The following GRIN3A variants were observed in gnomAD, a reference collection of about 807,000 sequenced individuals.
The protein encoded by GRIN3A is glutamate receptor ionotropic, NMDA 3A.
GRIN3A carries 47 observed loss-of-function variants against 92.4 expected under a neutral mutation model. That is an observed-to-expected ratio of 0.51 (90% CI 0.40 to 0.65). The LOEUF is 0.65. Ranked by LOEUF, GRIN3A falls within the 30% of genes least tolerant of loss-of-function variation. The pLI is 0.00. For synonymous variants in GRIN3A, 527 were observed against 540.6 expected (o/e 0.97, Z 0.35); for missense variants, 1,324 against 1,393.1 (o/e 0.95, Z 0.79).
chr9:101,594,661 G>A (rs1170154022), intron 6 of GRIN3A: 5 of 1,614,162 alleles, frequency 3.1e-6, no homozygotes, highest in East Asian at 2.2e-5. Context: ...TCTGCTCCTC[G>A]TCGCCCTTGA....
intron 5 of GRIN3A, among the ~76,000 whole-genome samples, chr9:101,618,873 C>T (rs1426595204): frequency 6.6e-6 from 1 of 152,132 alleles, no homozygotes; most frequent in Non-Finnish European, 1.5e-5. Context: ...GAGTTGCTTT[C>T]ATTATTACTA....
intron 1 of GRIN3A, among the ~76,000 whole-genome samples, chr9:101,729,413 G>A (rs1180647480): frequency 6.6e-6 from 1 of 152,126 alleles, no homozygotes; most frequent in African/African-American, 2.4e-5. Context: ...TTGCCTTTGA[G>A]TTTCTAGTGA....
At position 101,736,820 on chromosome 9, in the gene GRIN3A, A is replaced by G. The variant is rs534156488; in HGVS notation, c.699+461T>C. ...CTTCTGAAGAAGTCAGAGAGAGCAG[A>G]TGCTGCTTTTCCGACACATGCTGTC... On this transcript the variant is annotated intron_variant, in intron 1 of 8. Transcript: ENST00000361820. Among the ~76,000 whole-genome samples the G allele has an allele frequency of 3.9e-5, 6 of 152,260 alleles. No individual in the cohort carries two copies. In the East Asian group the frequency reaches 1.2e-3, roughly 29 times the overall value.
chr9:101,737,961 A>G lies in GRIN3A; in HGVS notation c.19T>C (p.Trp7Arg). 1 of 1,537,064 alleles carries G rather than the reference A, an allele frequency of 6.5e-7. No homozygotes were observed. Among genetic ancestry groups the G allele is most frequent in the Non-Finnish European group, 8.7e-7 (1 of 1,148,138 alleles). ...AGACAGACCCTGCTCAGCAGCCACC[A>G]CAAACTCAGTCTCCTCATTACTGAG... The part of the protein sequence containing the change: MRRLSL[W>R]WLLSRVCLLL... Residue 7 changes from tryptophan to arginine, a missense_variant, in exon 1 of 9, where the codon TGG becomes CGG. Coordinates refer to ENST00000361820, the MANE Select transcript of GRIN3A (RefSeq NM_133445.3).
At chr9:101,655,191 A>G (rs1317403382) in intron 3 of GRIN3A, among the ~76,000 whole-genome samples, 3 of 151,856 alleles carry the variant, frequency 2.0e-5, no homozygotes, top group Non-Finnish European at 4.4e-5. Flanking sequence ...CCACTCAAAG[A>G]TTTCATGTAG....
At chr9:101,707,931 CTTTGGCGAGGCTTTCCTT>C (rs1248997028) in intron 1 of GRIN3A, among the ~76,000 whole-genome samples, 1 of 152,080 alleles carries the variant, frequency 6.6e-6, no homozygotes, top group Non-Finnish European at 1.5e-5. Flanking sequence ...CTTGATAGTT[CTTTGGCGAGGCTTTCCTT>C]TTAATGTTGA....
intron 3 of GRIN3A, among the ~76,000 whole-genome samples, chr9:101,649,599 A>G (rs1481795455): frequency 6.6e-6 from 1 of 152,026 alleles, no homozygotes; most frequent in African/African-American, 2.4e-5. Flanking sequence ...AGAGTGGTGT[A>G]GTCTGAAATA....
At chr9:101,675,527 T>C (rs889479835) in intron 2 of GRIN3A, among the ~76,000 whole-genome samples, 1 of 152,026 alleles carries the variant, frequency 6.6e-6, no homozygotes, top group African/African-American at 2.4e-5. Context: ...TGCCAGGCAC[T>C]GTCCTAGGTG....
intron 2 of GRIN3A, among the ~76,000 whole-genome samples, chr9:101,685,976 G>T (rs1322594677): frequency 6.6e-6 from 1 of 152,000 alleles, no homozygotes; most frequent in East Asian, 1.9e-4. Flanking sequence ...AGTAGTAAGT[G>T]GCAGTGCTAA....
intron 1 of GRIN3A, among the ~76,000 whole-genome samples, chr9:101,717,742 G>T (rs531957068): frequency 1.3e-5 from 2 of 152,038 alleles, no homozygotes. Context: ...AGAGAAATTC[G>T]CAGAAGAGGT....
At chr9:101,649,082 G>T (rs1451419508) in intron 3 of GRIN3A, among the ~76,000 whole-genome samples, 2 of 152,028 alleles carry the variant, frequency 1.3e-5, no homozygotes, top group Non-Finnish European at 2.9e-5. Flanking sequence ...TTCTGAGGAA[G>T]ACTTATCAAA....
At chr9:101,635,103 C>T (rs758584084) in intron 3 of GRIN3A, among the ~76,000 whole-genome samples, 2 of 152,208 alleles carry the variant, frequency 1.3e-5, no homozygotes, top group Non-Finnish European at 2.9e-5. Context: ...TTTGCTGCCT[C>T]TCCCTTCTTC....
At chr9:101,647,403 T>A (rs2093682) in intron 3 of GRIN3A, among the ~76,000 whole-genome samples, 19,927 of 151,954 alleles carry the variant, frequency 0.13, 1,596 homozygotes, top group Admixed American at 0.19. Flanking sequence ...GATAGCACTT[T>A]GTTGAGGATT....
At chr9:101,604,419 G>A (rs1169267962) in intron 6 of GRIN3A, among the ~76,000 whole-genome samples, 3 of 152,104 alleles carry the variant, frequency 2.0e-5, no homozygotes, top group African/African-American at 4.8e-5. Context: ...GTGCTTCTTC[G>A]GGTTTTCAGA....
Position 101,738,397 on chromosome 9 carries a change from T to G in GRIN3A, c.-418A>C. 4.2e-6 allele frequency: 1 copy of G among 240,138 alleles called. No homozygotes were observed. The allele number at this position is 240,138 out of a possible 1,614,324, so 14.9% of individuals were successfully genotyped here. A position where few individuals can be genotyped will look rare whatever the true frequency, so the allele number is the denominator to read the frequency against. On this transcript the variant is annotated 5_prime_UTR_variant, in exon 1 of 9. Transcript: ENST00000361820. ...GACAGAGGAGCGACGCGCTCTCGCC[T>G]GGATTCTTTTCCTTTTCTGCCCAGG...
intron 8 of GRIN3A, 124 bp downstream of exon 8, chr9:101,577,644 A>C: frequency 1.3e-6 from 1 of 759,496 alleles, no homozygotes; most frequent in Non-Finnish European, 2.3e-6. Flanking sequence ...TTTATGTTTT[A>C]TTTCCCTCTA....
chr9:101,645,010 A>G (rs1057305018), intron 3 of GRIN3A, among the ~76,000 whole-genome samples: 4 of 151,916 alleles, frequency 2.6e-5, no homozygotes, highest in Admixed American at 6.6e-5. Flanking sequence ...TGTTATGAAC[A>G]TTCCTAATTT....
At chr9:101,673,524 G>A (rs987294404) in intron 2 of GRIN3A, among the ~76,000 whole-genome samples, 6 of 152,204 alleles carry the variant, frequency 3.9e-5, no homozygotes, top group African/African-American at 9.6e-5. Context: ...TTAGTCTTAC[G>A]ATAAGGGTGA....
At chr9:101,601,174 T>C (rs1384215999) in intron 6 of GRIN3A, 1 of 152,162 alleles carries the variant, frequency 6.6e-6, no homozygotes, top group Non-Finnish European at 1.5e-5. Flanking sequence ...AGTACAGGTG[T>C]AGATATTAGC....
Sources: allele counts gnomAD v4.1 joint callset (sites outside exome capture counted in the v4.1 genomes callset), GRCh38; gene constraint gnomAD v4.1.1; transcripts MANE v1.5; gene names NCBI Gene and HGNC (gene_info 2026-07-23, HGNC 2026-07-21).